The following ASTN2 variants were observed in gnomAD, a reference collection of about 807,000 sequenced individuals.
ASTN2 encodes the protein astrotactin 2, also known as astrotactin-2.
ASTN2 carries 54 observed loss-of-function variants against 139.8 expected under a neutral mutation model. That is an observed-to-expected ratio of 0.39 (90% CI 0.31 to 0.48). ASTN2 has a LOEUF of 0.48. Among genes scored for constraint, ASTN2 ranks in the 20% least tolerant of loss-of-function variants. The pLI, the probability that ASTN2 is intolerant of heterozygous loss-of-function variation, is 0.95. For synonymous variants in ASTN2, 756 were observed against 719.5 expected (o/e 1.05, Z -0.81); for missense variants, 1,565 against 1,725.1 (o/e 0.91, Z 1.64).
intron 13 of ASTN2, among the ~76,000 whole-genome samples, chr9:116,777,357 C>T (rs573889654): frequency 6.6e-6 from 1 of 152,246 alleles, no homozygotes; most frequent in African/African-American, 2.4e-5. Flanking sequence ...TCACCCTCTG[C>T]TCCATTATTC....
chr9:117,287,981 A>G (rs1383360282), intron 2 of ASTN2, among the ~76,000 whole-genome samples: 2 of 152,204 alleles, frequency 1.3e-5, no homozygotes, highest in African/African-American at 4.8e-5. Flanking sequence ...CAGAGGCATG[A>G]AGGGATGTGC....
intron 16 of ASTN2, among the ~76,000 whole-genome samples, chr9:116,715,855 C>G (rs149538114): frequency 6.6e-5 from 10 of 152,236 alleles, no homozygotes; most frequent in African/African-American, 1.9e-4. Flanking sequence ...CAGGGAAGAA[C>G]AGGGCCCCCT....
chr9:116,704,632 G>A (rs1827943237), intron 16 of ASTN2, among the ~76,000 whole-genome samples: 2 of 152,356 alleles, frequency 1.3e-5, no homozygotes, highest in East Asian at 3.9e-4. Context: ...GTGAAAGCCA[G>A]TGGAGATTTT....
chr9:117,362,637 A>ATGAGAAGTC (rs1195755325), intron 1 of ASTN2, among the ~76,000 whole-genome samples: 1 of 152,066 alleles, frequency 6.6e-6, no homozygotes, highest in Non-Finnish European at 1.5e-5. Flanking sequence ...TCCTCTTGTA[A>ATGAGAAGTC]TGAGAAGTCT....
intron 16 of ASTN2, among the ~76,000 whole-genome samples, chr9:116,718,405 G>C (rs150064010): frequency 1.3e-5 from 2 of 152,160 alleles, no homozygotes; most frequent in African/African-American, 4.8e-5. Flanking sequence ...TTATCCTCAC[G>C]GCAGTGACAA....
At chr9:116,686,711 G>C in intron 16 of ASTN2, 1 of 1,550,484 alleles carries the variant, frequency 6.4e-7, no homozygotes, top group Non-Finnish European at 8.7e-7. Context: ...AGTCTGCAGG[G>C]ACAGGGGCTG....
At chr9:116,990,543 T>A (rs1023089274) in intron 7 of ASTN2, among the ~76,000 whole-genome samples, 1 of 152,178 alleles carries the variant, frequency 6.6e-6, no homozygotes, top group Non-Finnish European at 1.5e-5. Flanking sequence ...AGTGTTTGGA[T>A]AACGTGCATA....
chr9:116,853,512 A>G (rs1160946146), intron 11 of ASTN2, among the ~76,000 whole-genome samples: 1 of 152,150 alleles, frequency 6.6e-6, no homozygotes, highest in Non-Finnish European at 1.5e-5. Flanking sequence ...ACCCTCAAGG[A>G]GACAGCAGAC....
intron 19 of ASTN2, among the ~76,000 whole-genome samples, chr9:116,570,934 A>T (rs1165311806): frequency 6.6e-6 from 1 of 152,208 alleles, no homozygotes; most frequent in East Asian, 1.9e-4. Context: ...TTTATTTTTT[A>T]AAAAAGGTAT....
At chr9:116,613,526 C>A in intron 19 of ASTN2, 1 of 154,234 alleles carries the variant, frequency 6.5e-6, no homozygotes, top group Non-Finnish European at 1.4e-5. Flanking sequence ...AGCTTATCCA[C>A]CACAATCAAG....
rs1200217852 is a variant in ASTN2, at chr9:116,642,796, A to G, written c.3072+8732T>C. Among the ~76,000 whole-genome samples, 4 of 152,162 alleles carry G rather than the reference A, an allele frequency of 2.6e-5. No individual in the cohort carries two copies. In the East Asian group the frequency reaches 7.7e-4, roughly 29 times the overall value. On this transcript the variant is annotated intron_variant, in intron 17 of 22. Transcript: ENST00000313400. ...AGTTGCTACTCTAAGACTCAAATCT[A>G]GTTATATTTTTCCTTGACCTACAAT...
chr9:117,267,133 CCCTAAACTAATT>C lies in ASTN2; in HGVS notation c.630+24181_630+24192del, dbSNP rs570861341. Among the ~76,000 whole-genome samples, 55 of 152,190 alleles carry C rather than the reference CCCTAAACTAATT, an allele frequency of 3.6e-4. No individual in the cohort carries two copies. In the East Asian group the frequency reaches 0.01, roughly 28 times the overall value. ...GGCATTCTTTGTCCAAATCTGGAGACCCTAAACTAATTCCAAAAATAAAAATAAAAATCAGAC... is the reference window on the plus strand; with the variant it reads ...GGCATTCTTTGTCCAAATCTGGAGACCCAAAAATAAAAATAAAAATCAGAC... On this transcript the variant is annotated intron_variant, in intron 2 of 22. Transcript: ENST00000313400.
chr9:116,634,545 G>C (rs79458566), intron 17 of ASTN2, among the ~76,000 whole-genome samples: 60,639 of 143,486 alleles, frequency 0.42, 13,125 homozygotes, highest in Admixed American at 0.54. Flanking sequence ...AGCCGAGATC[G>C]CGCCACTGCA....
At chr9:117,349,213 G>T (rs1829316393) in intron 1 of ASTN2, among the ~76,000 whole-genome samples, 1 of 152,324 alleles carries the variant, frequency 6.6e-6, no homozygotes, top group Middle Eastern at 3.4e-3. Context: ...CTCCACTCTA[G>T]TCCCTCCCAA....
intron 10 of ASTN2, among the ~76,000 whole-genome samples, chr9:116,903,193 A>G (rs963336891): frequency 1.3e-5 from 2 of 152,286 alleles, no homozygotes; most frequent in African/African-American, 4.8e-5. Flanking sequence ...TCACCCCACC[A>G]TCATCACTCT....
chr9:116,556,226 A>G (rs2119433182), intron 19 of ASTN2, among the ~76,000 whole-genome samples: 1 of 152,314 alleles, frequency 6.6e-6, no homozygotes, highest in South Asian at 2.1e-4. Flanking sequence ...AAAAGCTTCC[A>G]AGAGACTGGG....
intron 1 of ASTN2, among the ~76,000 whole-genome samples, chr9:117,405,790 T>C (rs1347343980): frequency 2.0e-5 from 3 of 152,240 alleles, no homozygotes; most frequent in Admixed American, 1.3e-4. Flanking sequence ...TTTGCTACAA[T>C]GCAAAGTTTC....
intron 13 of ASTN2, among the ~76,000 whole-genome samples, chr9:116,767,097 CACAT>C (rs1321775284): frequency 6.6e-6 from 1 of 152,122 alleles, no homozygotes; most frequent in Non-Finnish European, 1.5e-5. Context: ...CATTCATGCT[CACAT>C]ACAGTTATGC....
At chr9:117,343,205 G>C (rs1024009517) in intron 1 of ASTN2, among the ~76,000 whole-genome samples, 1 of 152,166 alleles carries the variant, frequency 6.6e-6, no homozygotes, top group African/African-American at 2.4e-5. Context: ...GCTTGTGGCT[G>C]CATCTGTTCA....
Sources: gnomAD v4.1 joint callset for allele counts (sites outside exome capture counted in the v4.1 genomes callset) on GRCh38, gnomAD v4.1.1 for gene constraint, MANE v1.5 for transcripts, NCBI Gene and HGNC (gene_info 2026-07-23, HGNC 2026-07-21) for gene names.